CNTN6: variants seen among roughly 807,000 people sequenced by gnomAD.
The protein encoded by CNTN6 is contactin-6.
In CNTN6, 137 loss-of-function variants were observed where a neutral mutation model predicts 122.8. That is an observed-to-expected ratio of 1.12 (90% CI 0.97 to 1.29). The LOEUF (loss-of-function observed/expected upper bound fraction) is 1.29, where lower values mean the gene tolerates loss of function less well. Ranked by LOEUF, CNTN6 falls within the 50% of genes most tolerant of loss-of-function variation. The pLI is 0.00. For missense variants in CNTN6, 1,634 were observed against 1,223.4 expected (o/e 1.34, Z -5.01); for synonymous variants, 570 against 426.0 (o/e 1.34, Z -4.16).
At chr3:1,118,625 A>G (rs923014267) in intron 1 of CNTN6, among the ~76,000 whole-genome samples, 3 of 152,190 alleles carry the variant, frequency 2.0e-5, no homozygotes, top group African/African-American at 7.2e-5. Flanking sequence ...TGCTGAAAGA[A>G]TTAATAAAGA....
chr3:1,213,323 G>C (rs980926551), intron 2 of CNTN6, among the ~76,000 whole-genome samples: 4 of 141,266 alleles, frequency 2.8e-5, no homozygotes, highest in Admixed American at 7.0e-5. Flanking sequence ...ATTTCAACCA[G>C]GTTTTCTTTT....
At chr3:1,211,456 C>G (rs187227327) in intron 2 of CNTN6, among the ~76,000 whole-genome samples, 15 of 152,296 alleles carry the variant, frequency 9.8e-5, no homozygotes, top group African/African-American at 3.6e-4. Context: ...ACACTGGTCT[C>G]TTTCTATGGT....
rs193213797 is a variant in CNTN6, at chr3:1,271,710, T to C, written c.359-6703T>C. Reference sequence around the variant, plus strand: ...AGCCACTTCTAGAAACTACAAATTCTTGGGGGAGAGAAAGCACCTTTACCC... The same window carrying C: ...AGCCACTTCTAGAAACTACAAATTCCTGGGGGAGAGAAAGCACCTTTACCC... On this transcript the variant is annotated intron_variant, in intron 4 of 22. Coordinates refer to ENST00000446702, the MANE Select transcript of CNTN6 (RefSeq NM_001289080.2). 1.3e-3 allele frequency among the ~76,000 whole-genome samples: 198 copies of C among 152,264 alleles called. 1 individual carries two copies. Among genetic ancestry groups the C allele is most frequent in the African/African-American group, 4.6e-3 (189 of 41,536 alleles).
chr3:1,242,723 A>C (rs1465222033), intron 4 of CNTN6, among the ~76,000 whole-genome samples: 1 of 149,752 alleles, frequency 6.7e-6, no homozygotes, highest in Non-Finnish European at 1.5e-5. Flanking sequence ...AATGAGACAC[A>C]GCTGTAATCC....
chr3:1,254,554 C>T (rs1221366412), intron 4 of CNTN6, among the ~76,000 whole-genome samples: 2 of 152,088 alleles, frequency 1.3e-5, no homozygotes, highest in Non-Finnish European at 2.9e-5. Context: ...ATGTGTCAGA[C>T]TCTATCATGT....
intron 4 of CNTN6, among the ~76,000 whole-genome samples, chr3:1,233,463 C>G (rs570872450): frequency 6.6e-6 from 1 of 152,024 alleles, no homozygotes; most frequent in Admixed American, 6.6e-5. Context: ...AAGCCAGGCG[C>G]GGTGGCTCAC....
intron 7 of CNTN6, among the ~76,000 whole-genome samples, chr3:1,319,144 CAA>C (rs1480810237): frequency 6.6e-6 from 1 of 151,590 alleles, no homozygotes; most frequent in East Asian, 2.0e-4. Flanking sequence ...TGTAAAGTAA[CAA>C]ATACCTAGGC....
chr3:1,370,138 G>A (rs1708804117), intron 12 of CNTN6, among the ~76,000 whole-genome samples: 1 of 151,566 alleles, frequency 6.6e-6, no homozygotes. Context: ...CCAAAAAAAA[G>A]AAAGAACCCA....
chr3:1,158,969 C>CACACATATATATATATATATAT (rs1553610778), intron 2 of CNTN6, among the ~76,000 whole-genome samples: 2 of 112,976 alleles, frequency 1.8e-5, no homozygotes, highest in East Asian at 3.2e-4. Context: ...CACACACACA[C>CACACATATATATATATATATAT]ATATATATAT....
chr3:1,276,579 A>C (rs1257674237), intron 4 of CNTN6, among the ~76,000 whole-genome samples: 1 of 152,196 alleles, frequency 6.6e-6, no homozygotes. Flanking sequence ...GCTTCTATTC[A>C]GTACAACAAA....
intron 2 of CNTN6, among the ~76,000 whole-genome samples, chr3:1,188,068 C>G (rs1385028907): frequency 1.3e-5 from 2 of 152,152 alleles, no homozygotes; most frequent in African/African-American, 4.8e-5. Flanking sequence ...TATTCACACC[C>G]CCTGCAAATA....
intron 2 of CNTN6, among the ~76,000 whole-genome samples, chr3:1,158,335 T>G (rs959274342): frequency 6.6e-6 from 1 of 152,228 alleles, no homozygotes; most frequent in Non-Finnish European, 1.5e-5. Context: ...TGTCTTCTTT[T>G]GAGAAATAGC....
rs2094301888 is a variant in CNTN6 at position 1,227,710 on chromosome 3, G to C, written c.183-108G>C. On this transcript the variant is annotated intron_variant, in intron 3 of 22. Coordinates refer to ENST00000446702, the MANE Select transcript of CNTN6 (RefSeq NM_001289080.2). ...TAGGATTACCTCCACATGTAATCAT[G>C]TTTTTTGGTGTTTTTTATAGTTGCA... 5 of 1,189,834 alleles carry C rather than the reference G, an allele frequency of 4.2e-6. No homozygotes were observed. The East Asian group carries it at 1.2e-4, about 29-fold the overall frequency. 73.7% of individuals were successfully genotyped at this position (1,189,834 alleles called of 1,614,324 possible).
At chr3:1,156,631 CTCTTTCTT>C (rs528815094) in intron 2 of CNTN6, among the ~76,000 whole-genome samples, 5 of 147,754 alleles carry the variant, frequency 3.4e-5, no homozygotes, top group Admixed American at 2.0e-4. Flanking sequence ...TTCTTTCTTT[CTCTTTCTT>C]TCTTTCTTGC....
At chr3:1,198,404 A>G (rs904262666) in intron 2 of CNTN6, among the ~76,000 whole-genome samples, 9 of 152,128 alleles carry the variant, frequency 5.9e-5, no homozygotes, top group Non-Finnish European at 1.3e-4. Context: ...CCCACACAAC[A>G]TGTGTTACCA....
intron 20 of CNTN6, among the ~76,000 whole-genome samples, chr3:1,396,478 C>A (rs1177513291): frequency 6.6e-6 from 1 of 152,130 alleles, no homozygotes; most frequent in Non-Finnish European, 1.5e-5. Flanking sequence ...ATCTGTGTGC[C>A]AGATCTAATT....
intron 4 of CNTN6, among the ~76,000 whole-genome samples, chr3:1,240,453 T>G (rs2094468207): frequency 6.6e-6 from 1 of 152,068 alleles, no homozygotes; most frequent in African/African-American, 2.4e-5. Flanking sequence ...CAGAAAAATG[T>G]AAATCAAAAC....
intron 16 of CNTN6, among the ~76,000 whole-genome samples, chr3:1,374,546 A>G (rs1709585051): frequency 6.6e-6 from 1 of 152,074 alleles, no homozygotes; most frequent in South Asian, 2.1e-4. Context: ...GTAAATCCTA[A>G]GCTCATTTAA....
At position 1,343,705 on chromosome 3, in the gene CNTN6, G is replaced by GCT. The variant is rs199822642; in HGVS notation, c.1365-8608_1365-8607dup. ...CCTTGGGACACCCATTATGCTCTAG[G>GCT]CTCTCTCTCTCTATATATATATAGC... On this transcript the variant is annotated intron_variant, in intron 11 of 22. Coordinates refer to ENST00000446702, the MANE Select transcript of CNTN6 (RefSeq NM_001289080.2). 6.9e-4 allele frequency among the ~76,000 whole-genome samples: 104 copies of GCT among 151,124 alleles called. 1 individual carries two copies. Among genetic ancestry groups the GCT allele is most frequent in the South Asian group, 6.5e-3 (31 of 4,768 alleles).
Sources: gnomAD v4.1 joint callset for allele counts (sites outside exome capture counted in the v4.1 genomes callset) on GRCh38, gnomAD v4.1.1 for gene constraint, MANE v1.5 for transcripts, NCBI Gene and HGNC (gene_info 2026-07-23, HGNC 2026-07-21) for gene names.